The following PIKFYVE variants were observed in gnomAD, a reference collection of about 807,000 sequenced individuals.
PIKFYVE encodes the protein 1-phosphatidylinositol 3-phosphate 5-kinase.
PIKFYVE carries 122 observed loss-of-function variants against 257.9 expected under a neutral mutation model. The ratio of observed to expected loss-of-function variants is 0.47; its 90% CI spans 0.41 to 0.55. PIKFYVE has a LOEUF of 0.55. PIKFYVE is among the 20% of genes least tolerant of loss of function. The pLI is 0.00. For missense variants in PIKFYVE, 2,160 were observed against 2,536.6 expected (o/e 0.85, Z 3.19); for synonymous variants, 892 against 868.9 (o/e 1.03, Z -0.47).
At chr2:208,351,814 G>T (rs1055548191) in intron 38 of PIKFYVE, among the ~76,000 whole-genome samples, 6 of 152,162 alleles carry the variant, frequency 3.9e-5, no homozygotes, top group Non-Finnish European at 7.3e-5. Context: ...ACTTATTACT[G>T]CAAGGACGGC....
Position 208,273,743 on chromosome 2 carries a change from T to G in PIKFYVE, c.322+10T>G. On this transcript the variant is annotated intron_variant, in intron 3 of 41. Transcript: ENST00000264380. Reference sequence around the variant, plus strand: ...CGCTCTTCAGCATTAGGTAAAACAGTGTTCTTATTTCATTCCCTTCTATAT... The same window carrying G: ...CGCTCTTCAGCATTAGGTAAAACAGGGTTCTTATTTCATTCCCTTCTATAT... 6.2e-7 allele frequency: 1 copy of G among 1,614,012 alleles called. No individual in the cohort carries two copies. Among genetic ancestry groups the G allele is most frequent in the Non-Finnish European group, 8.5e-7 (1 of 1,179,850 alleles).
In PIKFYVE at chr2:208,350,938, G is replaced by A; in HGVS notation, c.5602G>A (p.Ala1868Thr). The A allele has an allele frequency of 6.2e-7, 1 of 1,614,110 alleles. No individual in the cohort carries two copies. Among genetic ancestry groups the A allele is most frequent in the East Asian group, 2.2e-5 (1 of 44,888 alleles). ...AGGCAAATCAGGAGCTGCCTTCTAT[G>A]CAACTGAGGGTGAGCCTTTCTCATC... is the stretch of plus-strand genomic sequence containing the variant. ...RGGKSGAAFY[A>T]TEDDRFILKQ... The change falls in exon 37 of 42, where the codon GCA becomes ACA. Residue 1868 changes from alanine to threonine, a missense_variant. Coordinates refer to ENST00000264380, the MANE Select transcript of PIKFYVE (RefSeq NM_015040.4).
chr2:208,271,014 C>G (rs1476605657), intron 1 of PIKFYVE, among the ~76,000 whole-genome samples: 1 of 144,638 alleles, frequency 6.9e-6, no homozygotes, highest in Non-Finnish European at 1.5e-5. Flanking sequence ...CCAGTCTGGG[C>G]GACAGAGCAA....
At position 208,324,195 on chromosome 2, in the gene PIKFYVE, C is replaced by G. The variant is rs1696645746; in HGVS notation, c.2244C>G (p.Thr748=). The part of the protein sequence containing the change: ...YVQRIVDVRP[T]LVLVEKTVSR... ...AGCGAATAGTTGATGTTCGACCCACCTTGGTTCTTGTTGAGAAAACAGTGT... is the reference window on the plus strand; with the variant it reads ...AGCGAATAGTTGATGTTCGACCCACGTTGGTTCTTGTTGAGAAAACAGTGT... The change falls in exon 18 of 42, where the codon ACC becomes ACG. Residue 748 remains threonine, a synonymous_variant. Transcript: ENST00000264380. 1.2e-6 allele frequency: 2 copies of G among 1,613,722 alleles called. No homozygotes were observed. The highest frequency in any genetic ancestry group is 1.7e-5 in the Admixed American group (1 of 59,988).
chr2:208,315,167 A>G (rs1559108599), intron 14 of PIKFYVE, 26 bp from the exon 15 acceptor site: 1 of 1,594,148 alleles, frequency 6.3e-7, no homozygotes, highest in East Asian at 2.2e-5. Context: ...AACTATGCAA[A>G]CTTCTTTCTT....
Position 208,285,663 on chromosome 2 carries a change from C to A in PIKFYVE, c.614-63C>A. The A allele has an allele frequency of 2.1e-6, 3 of 1,409,870 alleles. No homozygotes were observed. In the South Asian group the frequency reaches 3.5e-5, roughly 16 times the overall value. The allele number at this position is 1,409,870 out of a possible 1,614,324, so 87.3% of individuals were successfully genotyped here. ...AAGGAGTTAAAAAAGTTACGTTAAG[C>A]AATATGTTACTGCTATCTTTTCCTT... On this transcript the variant is annotated intron_variant, in intron 5 of 41. Transcript: ENST00000264380.
rs1329555240 is a variant in PIKFYVE, at chr2:208,324,953, G to T, written c.2374G>T (p.Val792Leu). 2 of 1,614,060 alleles carry T rather than the reference G, an allele frequency of 1.2e-6. No individual in the cohort carries two copies. Among genetic ancestry groups the T allele is most frequent in the Non-Finnish European group, 8.5e-7 (1 of 1,179,946 alleles). Residue 792 changes from valine to leucine, a missense_variant, in exon 19 of 42, where the codon GTG becomes TTG. Physicochemically the swap from Val to Leu is conservative, Grantham distance 32. Around this residue, in one of 12 missense-constraint regions of PIKFYVE, gnomAD observed 346 missense variants for 365.6 expected, o/e 0.95. Transcript: ENST00000264380. ...CAGTCGAATGACCCAAGGTGATTTA[G>T]TGATGTCAATGGACCAGCTGCTTAC... ...RISRMTQGDL[V>L]MSMDQLLTKP...
chr2:208,346,297 C>T (rs146287237), intron 34 of PIKFYVE, 150 bp downstream of exon 34: 18,072 of 731,400 alleles, frequency 0.025, 319 homozygotes, highest in Middle Eastern at 0.041. Context: ...TTTGTATGCC[C>T]TCTTTATACG....
In PIKFYVE at chr2:208,317,932, A is replaced by G. The variant is rs1695736063; in HGVS notation, c.2073A>G (p.Ala691=). The G allele has an allele frequency of 1.2e-6, 2 of 1,613,480 alleles. No individual in the cohort carries two copies. Among genetic ancestry groups the G allele is most frequent in the African/African-American group, 1.3e-5 (1 of 74,922 alleles). ...GCTTTGTTTGTACCAAGAACATTGCACATAAAAAGGTAATGTGATTCAGTT... is the reference window on the plus strand; with the variant it reads ...GCTTTGTTTGTACCAAGAACATTGCGCATAAAAAGGTAATGTGATTCAGTT... ...VNGFVCTKNI[A]HKKMSSCIKN... Residue 691 remains alanine, a synonymous_variant, in exon 16 of 42, where the codon GCA becomes GCG. Coordinates refer to ENST00000264380, the MANE Select transcript of PIKFYVE (RefSeq NM_015040.4).
chr2:208,347,511 A>G (rs113356230), intron 34 of PIKFYVE, among the ~76,000 whole-genome samples: 1 of 152,310 alleles, frequency 6.6e-6, no homozygotes, highest in South Asian at 2.1e-4. Context: ...CAGCCCTAAT[A>G]TAATCTTGTT....
Position 208,291,341 on chromosome 2 carries a change from A to G in PIKFYVE, c.911+2523A>G, listed in dbSNP as rs529654279. ...TGAACCAGCCTTGCATGCCTGGGATAAATTCCATTTGGTCGTGGTTTATAT... is the reference window on the plus strand; with the variant it reads ...TGAACCAGCCTTGCATGCCTGGGATGAATTCCATTTGGTCGTGGTTTATAT... On this transcript the variant is annotated intron_variant, in intron 7 of 41. Transcript: ENST00000264380. Among the ~76,000 whole-genome samples, 36 of 152,252 alleles carry G rather than the reference A, an allele frequency of 2.4e-4. 1 individual carries two copies. The South Asian group carries it at 3.5e-3, about 15-fold the overall frequency.
chr2:208,314,488 T>A, intron 14 of PIKFYVE, 65 bp downstream of exon 14: 1 of 1,506,766 alleles, frequency 6.6e-7, no homozygotes, highest in South Asian at 1.2e-5. Context: ...TTGATAAGCA[T>A]ATGCATCATT....
intron 12 of PIKFYVE, among the ~76,000 whole-genome samples, chr2:208,307,545 A>C (rs1421123990): frequency 6.6e-6 from 1 of 151,072 alleles, no homozygotes; most frequent in African/African-American, 2.4e-5. Context: ...AGTAGGAGAG[A>C]GTCTAGATGA....
At chr2:208,289,470 G>A (rs1336694024) in intron 7 of PIKFYVE, among the ~76,000 whole-genome samples, 4 of 150,622 alleles carry the variant, frequency 2.7e-5, no homozygotes, top group East Asian at 1.9e-4. Context: ...TCACTCTCTC[G>A]CCAGGCTGGA....
chr2:208,311,336 CT>C (rs1446707176), intron 12 of PIKFYVE, among the ~76,000 whole-genome samples: 1 of 152,162 alleles, frequency 6.6e-6, no homozygotes, highest in Admixed American at 6.5e-5. Flanking sequence ...TGCACTTGAA[CT>C]TTCTAAATAA....
At chr2:208,350,733 G>A (rs778314836) in intron 36 of PIKFYVE, 38 bp from the exon 37 acceptor site, 2 of 1,606,268 alleles carry the variant, frequency 1.2e-6, no homozygotes, top group Middle Eastern at 1.9e-4. Flanking sequence ...TATTTTCTGA[G>A]TCATAAAGCT....
intron 10 of PIKFYVE, among the ~76,000 whole-genome samples, chr2:208,303,554 T>C (rs1245036567): frequency 6.6e-6 from 1 of 152,158 alleles, no homozygotes; most frequent in Non-Finnish European, 1.5e-5. Flanking sequence ...TAAGTGGAAA[T>C]GGATCATCAC....
intron 6 of PIKFYVE, 120 bp downstream of exon 6, chr2:208,286,053 TCTC>T (rs1398745873): frequency 3.9e-6 from 4 of 1,031,044 alleles, no homozygotes; most frequent in Non-Finnish European, 5.7e-6. Flanking sequence ...TTCACTGTGT[TCTC>T]CTTTTTCTTT....
intron 16 of PIKFYVE, among the ~76,000 whole-genome samples, chr2:208,319,398 A>C (rs1695941979): frequency 6.6e-6 from 1 of 152,250 alleles, no homozygotes. Context: ...TTAAAGGAGA[A>C]CTTTAAACCA....
Sources: gnomAD v4.1 joint callset for allele counts (sites outside exome capture counted in the v4.1 genomes callset) on GRCh38, gnomAD v4.1.1 for gene constraint, gnomAD v4.1.1 regional missense constraint, MANE v1.5 for transcripts, NCBI Gene and HGNC (gene_info 2026-07-23, HGNC 2026-07-21) for gene names.